The following C14orf132 variants were observed in gnomAD, a reference collection of about 807,000 sequenced individuals.
The protein encoded by C14orf132 is uncharacterized protein C14orf132.
Under a neutral mutation model 5.8 loss-of-function variants are expected in C14orf132, and 6 were observed. The ratio of observed to expected loss-of-function variants is 1.03; its 90% CI spans 0.57 to 2.04. C14orf132 has a LOEUF of 2.04. C14orf132 is among the 30% of genes most tolerant of loss of function. C14orf132 has a pLI of 0.00. For missense variants in C14orf132, 125 were observed against 115.8 expected, an observed-to-expected ratio of 1.08 and a Z score of -0.37; for synonymous variants, 51 against 49.8, an observed-to-expected ratio of 1.02 and a Z score of -0.10.
chr14:96,065,856 C>T (rs1189076037), intron 1 of C14orf132, among the ~76,000 whole-genome samples: 1 of 152,174 alleles, frequency 6.6e-6, no homozygotes, highest in Non-Finnish European at 1.5e-5. Flanking sequence ...ACTGCTGAAT[C>T]ACTTCAAAGA....
intron 1 of C14orf132, among the ~76,000 whole-genome samples, chr14:96,053,964 T>G (rs538748156): frequency 7.2e-5 from 11 of 152,296 alleles, no homozygotes; most frequent in African/African-American, 2.6e-4. Flanking sequence ...TCAGGGCTAA[T>G]GCAGTAAGCT....
intron 1 of C14orf132, among the ~76,000 whole-genome samples, chr14:96,078,418 T>TA (rs1887937135): frequency 1.3e-5 from 2 of 152,302 alleles, no homozygotes; most frequent in South Asian, 4.1e-4. Context: ...TCCTGGGAGA[T>TA]AAAAAAGGCA....
At chr14:96,054,689 T>C (rs908082961) in intron 1 of C14orf132, among the ~76,000 whole-genome samples, 6 of 152,240 alleles carry the variant, frequency 3.9e-5, no homozygotes, top group Non-Finnish European at 8.8e-5. Context: ...ATCCCTTTTT[T>C]TGGGCTAAAT....
chr14:96,044,141 G>A (rs148038687), intron 1 of C14orf132, among the ~76,000 whole-genome samples: 9 of 152,234 alleles, frequency 5.9e-5, no homozygotes, highest in African/African-American at 4.8e-5. Context: ...CCATCCAGGC[G>A]GTTGTGTTTG....
At position 96,056,316 on chromosome 14, in the gene C14orf132, G is replaced by T. The variant is rs558273558; in HGVS notation, c.27+16789G>T. On this transcript the variant is annotated intron_variant, in intron 1 of 1. Transcript: ENST00000555004. ...TGGGGAATACAGAACTGCCCAGGGCGGCCTGCAAGGGGGTCAGGGTGGTCA... is the reference window on the plus strand; with the variant it reads ...TGGGGAATACAGAACTGCCCAGGGCTGCCTGCAAGGGGGTCAGGGTGGTCA... 7.9e-5 allele frequency among the ~76,000 whole-genome samples: 12 copies of T among 152,182 alleles called. No homozygotes were observed. In the East Asian group the frequency reaches 2.3e-3, roughly 29 times the overall value.
In C14orf132 at chr14:96,093,544, T is replaced by C. The variant is rs1018087624; in HGVS notation, c.*6809T>C. On this transcript the variant is annotated 3_prime_UTR_variant, in exon 2 of 2. Transcript: ENST00000555004. ...CAGAAACCTTACTATTATAACTTGCTACTCTCCAGATACCAATTCTTCATG... is the reference window on the plus strand; with the variant it reads ...CAGAAACCTTACTATTATAACTTGCCACTCTCCAGATACCAATTCTTCATG... 2 of 152,262 alleles carry C rather than the reference T, an allele frequency of 1.3e-5. No individual in the cohort carries two copies. Among genetic ancestry groups the C allele is most frequent in the Non-Finnish European group, 2.9e-5 (2 of 68,042 alleles). 9.4% of individuals were successfully genotyped at this position (152,262 alleles called of 1,614,324 possible).
chr14:96,066,052 C>A (rs1887518852), intron 1 of C14orf132, among the ~76,000 whole-genome samples: 2 of 152,178 alleles, frequency 1.3e-5, no homozygotes, highest in African/African-American at 4.8e-5. Context: ...CTTATCCCCA[C>A]CTCAGGAAGC....
At chr14:96,051,047 G>T in intron 1 of C14orf132, 1 of 397,040 alleles carries the variant, frequency 2.5e-6, no homozygotes, top group South Asian at 1.3e-4. Flanking sequence ...ATGGGCCCCT[G>T]ATCCAGCCAG....
intron 1 of C14orf132, chr14:96,051,232 G>A: frequency 2.5e-6 from 1 of 398,676 alleles, no homozygotes; most frequent in African/African-American, 2.1e-5. Context: ...GGTATCCTGT[G>A]ACAGGATGTT....
At chr14:96,054,650 A>G (rs980860949) in intron 1 of C14orf132, among the ~76,000 whole-genome samples, 31 of 152,176 alleles carry the variant, frequency 2.0e-4, no homozygotes, top group African/African-American at 7.0e-4. Flanking sequence ...ATTATGTTTG[A>G]ACCAAAACTG....
chr14:96,076,728 G>T (rs570413297), intron 1 of C14orf132, among the ~76,000 whole-genome samples: 5 of 152,236 alleles, frequency 3.3e-5, no homozygotes, highest in Non-Finnish European at 7.3e-5. Context: ...GTTGGACAAG[G>T]TTGGTTTAGA....
At chr14:96,061,010 A>G (rs1412868079) in intron 1 of C14orf132, among the ~76,000 whole-genome samples, 1 of 152,218 alleles carries the variant, frequency 6.6e-6, no homozygotes, top group Non-Finnish European at 1.5e-5. Flanking sequence ...CCATCTTTAA[A>G]TAGTAAAAAC....
At chr14:96,081,992 T>G (rs1438488558) in intron 1 of C14orf132, among the ~76,000 whole-genome samples, 1 of 152,204 alleles carries the variant, frequency 6.6e-6, no homozygotes, top group African/African-American at 2.4e-5. Context: ...GCCCCCCAGG[T>G]CACCCTGTGT....
At chr14:96,040,184 C>G (rs2139635793) in intron 1 of C14orf132, 3 of 216,970 alleles carry the variant, frequency 1.4e-5, no homozygotes, top group Non-Finnish European at 1.8e-5. Context: ...AAACAAATCT[C>G]TCACAGCTTG....
intron 1 of C14orf132, among the ~76,000 whole-genome samples, chr14:96,081,230 G>A (rs948481687): frequency 6.6e-6 from 1 of 152,190 alleles, no homozygotes; most frequent in African/African-American, 2.4e-5. Flanking sequence ...AATGCTATCG[G>A]AGTTTATTTT....
intron 1 of C14orf132, among the ~76,000 whole-genome samples, chr14:96,075,737 T>C (rs1327954412): frequency 6.6e-6 from 1 of 151,528 alleles, no homozygotes; most frequent in Non-Finnish European, 1.5e-5. Context: ...TAAGGATTGA[T>C]TTTTTTTGGA....
intron 1 of C14orf132, among the ~76,000 whole-genome samples, chr14:96,044,755 CTGCCTGCATCGT>C (rs1363235631): frequency 6.6e-6 from 1 of 152,220 alleles, no homozygotes; most frequent in African/African-American, 2.4e-5. Context: ...GCTGTAGTCT[CTGCCTGCATCGT>C]CATGTGGCAT....
rs1037656340 is a variant in C14orf132, at chr14:96,054,495, C to G, written c.27+14968C>G. Among the ~76,000 whole-genome samples the G allele has an allele frequency of 7.9e-5, 12 of 152,296 alleles. 1 individual carries two copies. Among genetic ancestry groups the G allele is most frequent in the East Asian group, 3.9e-4 (2 of 5,190 alleles). Reference sequence around the variant, plus strand: ...TGATTTGGGGCTGTTTGACTTGGAACAAGATGCTTAATTTCTTGGAGCCTC... The same window carrying G: ...TGATTTGGGGCTGTTTGACTTGGAAGAAGATGCTTAATTTCTTGGAGCCTC... On this transcript the variant is annotated intron_variant, in intron 1 of 1. Coordinates refer to ENST00000555004, the MANE Select transcript of C14orf132 (RefSeq NM_001252507.3).
rs980295852 is a variant in C14orf132 at position 96,086,835 on chromosome 14, G to T, written c.*100G>T. ...CCTGTGTTCTAGAACCAGGAGTTTTGACCAGGGGCGGCGGCCGTCCTTCTG... is the reference window on the plus strand; with the variant it reads ...CCTGTGTTCTAGAACCAGGAGTTTTTACCAGGGGCGGCGGCCGTCCTTCTG... On this transcript the variant is annotated 3_prime_UTR_variant, in exon 2 of 2. Coordinates refer to ENST00000555004, the MANE Select transcript of C14orf132 (RefSeq NM_001252507.3). 5.0e-6 allele frequency: 6 copies of T among 1,204,078 alleles called. No individual in the cohort carries two copies. Among genetic ancestry groups the T allele is most frequent in the Non-Finnish European group, 5.7e-6 (5 of 874,244 alleles). 74.6% of individuals were successfully genotyped at this position (1,204,078 alleles called of 1,614,324 possible).
Sources: gnomAD v4.1 joint callset for allele counts (sites outside exome capture counted in the v4.1 genomes callset) on GRCh38, gnomAD v4.1.1 for gene constraint, MANE v1.5 for transcripts, NCBI Gene and HGNC (gene_info 2026-07-23, HGNC 2026-07-21) for gene names.